Variants in ZNF737 observed in about 807,000 individuals in gnomAD.
ZNF737 encodes zinc finger protein 737.
ZNF737 carries 13 observed loss-of-function variants against 11.7 expected under a neutral mutation model. The observed-to-expected ratio is 1.11, with a 90% CI of 0.73 to 1.77. The LOEUF is 1.77. Ranked by LOEUF, ZNF737 falls within the 40% of genes most tolerant of loss-of-function variation. The probability of loss-of-function intolerance (pLI) is 0.00; values close to 1 mark genes in which losing one functional copy is unlikely to be tolerated. For synonymous variants in ZNF737, 217 were observed against 216.2 expected (o/e 1.00, Z -0.03); for missense variants, 636 against 638.0 (o/e 1.00, Z 0.03).
chr19:20,551,887 G>GT (rs200893537), intron 3 of ZNF737, among the ~76,000 whole-genome samples: 160 of 139,884 alleles, frequency 1.1e-3, no homozygotes, highest in Admixed American at 2.7e-3. Context: ...AAATTGCAGT[G>GT]TTTTTTTTTT....
chr19:20,560,529 C>T (rs1969052673), intron 1 of ZNF737, among the ~76,000 whole-genome samples: 1 of 152,028 alleles, frequency 6.6e-6, no homozygotes, highest in South Asian at 2.1e-4. Flanking sequence ...GCCTGTAATC[C>T]CACCACTTTG....
rs1968224825 is a variant in ZNF737 at position 20,541,975 on chromosome 19, TA to T, written c.*2616del. 1 of 962,670 alleles carries T rather than the reference TA, an allele frequency of 1.0e-6. No individual in the cohort carries two copies. The highest frequency in any genetic ancestry group is 4.8e-5 in the South Asian group (1 of 20,756). 59.6% of individuals were successfully genotyped at this position (962,670 alleles called of 1,614,324 possible). The stretch of plus-strand genomic sequence containing the variant: ...CATATTATATACCCACGAATACAAA[TA>T]AAAAATTTAAATAATAAAGAGTCAA... On this transcript the variant is annotated 3_prime_UTR_variant, in exon 4 of 4. Coordinates refer to ENST00000427401, the MANE Select transcript of ZNF737 (RefSeq NM_001159293.2).
At chr19:20,537,934 A>C (rs1350786738), downstream of ZNF737, 1 of 394,366 alleles carries the variant, frequency 2.5e-6, no homozygotes, top group Admixed American at 6.4e-5. Flanking sequence ...AAAATTTTTC[A>C]TGAACTCAAA....
intron 1 of ZNF737, among the ~76,000 whole-genome samples, chr19:20,558,573 C>T (rs1292469281): frequency 6.6e-6 from 1 of 152,036 alleles, no homozygotes; most frequent in Non-Finnish European, 1.5e-5. Flanking sequence ...AGATCTTTTC[C>T]TTCTTTACCA....
At chr19:20,560,374 A>T (rs185296666) in intron 1 of ZNF737, among the ~76,000 whole-genome samples, 1 of 151,964 alleles carries the variant, frequency 6.6e-6, no homozygotes, top group African/African-American at 2.4e-5. Context: ...TAAAAGATTT[A>T]GTCAAAATAA....
chr19:20,555,193 T>TTC (rs1441248185), intron 1 of ZNF737, among the ~76,000 whole-genome samples: 3 of 83,412 alleles, frequency 3.6e-5, no homozygotes, highest in Admixed American at 1.1e-4. Flanking sequence ...TTTTCTTTTC[T>TTC]TTTTTTTGAT....
rs1968304688 is a variant in ZNF737, at chr19:20,543,529, CTTCT to C, written c.*1059_*1062del. 3 of 984,784 alleles carry C rather than the reference CTTCT, an allele frequency of 3.0e-6. No individual in the cohort carries two copies. Among genetic ancestry groups the C allele is most frequent in the Non-Finnish European group, 2.4e-6 (2 of 829,698 alleles). The allele number at this position is 984,784 out of a possible 1,614,324, so 61.0% of individuals were successfully genotyped here. A position where few individuals can be genotyped will look rare whatever the true frequency, so the allele number is the denominator to read the frequency against. ...AGGAATTAATAGGTTTTCCATATTCCTTCTATTTGTACAATTTTTCTCAAGGATA... is the reference window on the plus strand; with the variant it reads ...AGGAATTAATAGGTTTTCCATATTCCATTTGTACAATTTTTCTCAAGGATA... On this transcript the variant is annotated 3_prime_UTR_variant, in exon 4 of 4. Transcript: ENST00000427401.
chr19:20,550,865 T>C (rs1355926466), intron 3 of ZNF737, among the ~76,000 whole-genome samples: 4 of 152,236 alleles, frequency 2.6e-5, no homozygotes, highest in African/African-American at 9.6e-5. Context: ...GAAACTACAG[T>C]ACCCCTGTTC....
Position 20,538,993 on chromosome 19 carries a change from C to T in ZNF737, c.*5599G>A, listed in dbSNP as rs1216664560. ...AATGTGTGTACATAATGTGCATTTTCCTGCCTACCAAAATTATTCTGGCTG... is the reference window on the plus strand; with the variant it reads ...AATGTGTGTACATAATGTGCATTTTTCTGCCTACCAAAATTATTCTGGCTG... On this transcript the variant is annotated 3_prime_UTR_variant, in exon 4 of 4. Coordinates refer to ENST00000427401, the MANE Select transcript of ZNF737 (RefSeq NM_001159293.2). The T allele has an allele frequency of 7.1e-6, 7 of 985,206 alleles. No individual in the cohort carries two copies. Among genetic ancestry groups the T allele is most frequent in the Admixed American group, 6.2e-5 (1 of 16,240 alleles). The allele number at this position is 985,206 out of a possible 1,614,324, so 61.0% of individuals were successfully genotyped here.
At position 20,538,997 on chromosome 19, in the gene ZNF737, C is replaced by T. The variant is rs1010508273; in HGVS notation, c.*5595G>A. ...TGTGTACATAATGTGCATTTTCCTG[C>T]CTACCAAAATTATTCTGGCTGGGAA... On this transcript the variant is annotated 3_prime_UTR_variant, in exon 4 of 4. Coordinates refer to ENST00000427401, the MANE Select transcript of ZNF737 (RefSeq NM_001159293.2). The T allele has an allele frequency of 3.0e-6, 3 of 985,186 alleles. No homozygotes were observed. The African/African-American group carries it at 5.2e-5, about 17-fold the overall frequency. The allele number at this position is 985,186 out of a possible 1,614,324, so 61.0% of individuals were successfully genotyped here. A position where few individuals can be genotyped will look rare whatever the true frequency, so the allele number is the denominator to read the frequency against.
At chr19:20,552,840 C>T (rs1968737548) in intron 2 of ZNF737, among the ~76,000 whole-genome samples, 1 of 151,718 alleles carries the variant, frequency 6.6e-6, no homozygotes, top group African/African-American at 2.4e-5. Flanking sequence ...GGTGAAACCC[C>T]ATCTCTACTA....
At chr19:20,555,881 T>A (rs1968871771) in intron 1 of ZNF737, among the ~76,000 whole-genome samples, 1 of 152,024 alleles carries the variant, frequency 6.6e-6, no homozygotes, top group African/African-American at 2.4e-5. Context: ...TCAGATGAGA[T>A]TCTTTGGACA....
rs34579625 is a variant in ZNF737 at position 20,540,988 on chromosome 19, A to AT, written c.*3603dup. Reference sequence around the variant, plus strand: ...TTCATTCAAATAAGTGTTAAAAATGATTTTTTTTTCCTGTTTTAAGAGGGC... The same window carrying AT: ...TTCATTCAAATAAGTGTTAAAAATGATTTTTTTTTTCCTGTTTTAAGAGGGC... On this transcript the variant is annotated 3_prime_UTR_variant, in exon 4 of 4. Transcript: ENST00000427401. 0.48 allele frequency: 468,829 copies of AT among 971,070 alleles called. 111,285 individuals are homozygous for AT. Among genetic ancestry groups the AT allele is most frequent in the East Asian group, 0.63 (5,489 of 8,672 alleles). 60.2% of individuals were successfully genotyped at this position (971,070 alleles called of 1,614,324 possible).
chr19:20,534,934 T>C (rs1209636621), downstream of ZNF737, among the ~76,000 whole-genome samples: 3 of 150,180 alleles, frequency 2.0e-5, no homozygotes, highest in African/African-American at 4.9e-5. Flanking sequence ...CCAGGAAATT[T>C]TGAAAACTTA....
At chr19:20,564,748 C>T (rs782554307) in intron 1 of ZNF737, among the ~76,000 whole-genome samples, 3 of 151,988 alleles carry the variant, frequency 2.0e-5, no homozygotes, top group East Asian at 3.9e-4. Context: ...AATCAGTCCG[C>T]TGTGGCGTGT....
downstream of ZNF737, chr19:20,536,031 A>G (rs33941): frequency 0.51 from 481,950 of 949,902 alleles, 122,735 homozygotes; most frequent in East Asian, 0.64. Flanking sequence ...GAAAAAAGAT[A>G]CAGAGAAGAC....
rs1555759592 is a variant in ZNF737 at position 20,553,827 on chromosome 19, C to T, written c.12G>A (p.Leu4=). The T allele has an allele frequency of 1.2e-6, 2 of 1,613,198 alleles. No homozygotes were observed. The highest frequency in any genetic ancestry group is 3.3e-5 in the Admixed American group (2 of 59,776). Residue 4 remains leucine, a synonymous_variant, in exon 2 of 4, where the codon TTG becomes TTA. Coordinates refer to ENST00000427401, the MANE Select transcript of ZNF737 (RefSeq NM_001159293.2). MGP[L]QFRDVAIEFS... The stretch of plus-strand genomic sequence containing the variant: ...ATTCTATGGCCACGTCTCTAAATTG[C>T]AATGGCCCCTGAAACACACACACAA...
chr19:20,553,682 T>C (rs1858725531), intron 2 of ZNF737, 27 bp downstream of exon 2: 16 of 1,604,014 alleles, frequency 1.0e-5, no homozygotes, highest in Non-Finnish European at 1.3e-5. Context: ...GTGTATATTA[T>C]GAATTATGTA....
chr19:20,531,087 G>T (rs1296364794), downstream of ZNF737, among the ~76,000 whole-genome samples: 21 of 146,500 alleles, frequency 1.4e-4, 1 homozygote, highest in African/African-American at 4.6e-4. Context: ...AACCAGTCAG[G>T]CGTGGCGGCG....
Sources: allele counts gnomAD v4.1 joint callset (sites outside exome capture counted in the v4.1 genomes callset), GRCh38; gene constraint gnomAD v4.1.1; transcripts MANE v1.5; gene names NCBI Gene and HGNC (gene_info 2026-07-23, HGNC 2026-07-21).